ANKRD52: variants seen among roughly 807,000 people sequenced by gnomAD.
The protein encoded by ANKRD52 is serine/threonine-protein phosphatase 6 regulatory ankyrin repeat subunit C.
In ANKRD52, 7 loss-of-function variants were observed where a neutral mutation model predicts 116.0. The observed-to-expected ratio is 0.06, with a 90% CI of 0.03 to 0.11. The LOEUF is 0.11. ANKRD52 is among the 10% of genes least tolerant of loss of function. ANKRD52 has a pLI of 1.00. For missense variants in ANKRD52, 839 were observed against 1,408.6 expected (o/e 0.60, Z 6.47); for synonymous variants, 528 against 578.1 (o/e 0.91, Z 1.24).
In ANKRD52 at chr12:56,244,060, G is replaced by A. The variant is rs778944625; in HGVS notation, c.2879C>T (p.Ala960Val). The stretch of plus-strand genomic sequence containing the variant: ...TTCCCCAGGCACTCACATCTGCAGC[G>A]CACTGTTGGTAGCATTGATAAGGCC... The part of the protein sequence containing the change: ...DLGLINATNS[A>V]LQMPLHIAAR... Residue 960 changes from alanine to valine, a missense_variant, in exon 26 of 28, where the codon GCG becomes GTG. Around this residue, in one of 2 missense-constraint regions of ANKRD52, gnomAD observed 552 missense variants for 810.6 expected, o/e 0.68. Coordinates refer to ENST00000267116, the MANE Select transcript of ANKRD52 (RefSeq NM_173595.4). This position sits in a 1 kb window ranked among gnomAD's most constrained non-coding sequence, Gnocchi z 4.9. 2.6e-5 allele frequency: 42 copies of A among 1,613,660 alleles called. No individual in the cohort carries two copies. The highest frequency in any genetic ancestry group is 3.2e-5 in the Non-Finnish European group (38 of 1,179,868).
Position 56,248,355 on chromosome 12 carries a change from G to C in ANKRD52, c.1777-131C>G. On this transcript the variant is annotated intron_variant, in intron 17 of 27. Coordinates refer to ENST00000267116, the MANE Select transcript of ANKRD52 (RefSeq NM_173595.4). This position sits in a 1 kb window ranked among gnomAD's most constrained non-coding sequence, Gnocchi z 5.1. ...TGACAAGCTCCTTGGGCCCCTTAAG[G>C]CTTCCTACCCTGCACTGTGCTTATC... is the stretch of plus-strand genomic sequence containing the variant. The C allele has an allele frequency of 2.1e-6, 3 of 1,412,562 alleles. No individual in the cohort carries two copies. Among genetic ancestry groups the C allele is most frequent in the East Asian group, 2.3e-5 (1 of 42,612 alleles). The allele number at this position is 1,412,562 out of a possible 1,614,324, so 87.5% of individuals were successfully genotyped here. A position where few individuals can be genotyped will look rare whatever the true frequency, so the allele number is the denominator to read the frequency against.
chr12:56,254,972 A>G lies in ANKRD52; in HGVS notation c.463-20T>C, dbSNP rs1390509164. On this transcript the variant is annotated intron_variant, in intron 5 of 27. Coordinates refer to ENST00000267116, the MANE Select transcript of ANKRD52 (RefSeq NM_173595.4). This position sits in a 1 kb window ranked among gnomAD's most constrained non-coding sequence, Gnocchi z 4.6. ...CACCGTCTGCATCAGGATATGAAAG[A>G]CACCTGTTCAGAGCTAGATTCGTGC... The G allele has an allele frequency of 2.2e-5, 35 of 1,603,742 alleles. No homozygotes were observed. Among genetic ancestry groups the G allele is most frequent in the Non-Finnish European group, 2.9e-5 (34 of 1,171,272 alleles).
rs1454564125 is a variant in ANKRD52, at chr12:56,255,222, G to C, written c.463-270C>G. 2.9e-6 allele frequency: 1 copy of C among 339,846 alleles called. No homozygotes were observed. The allele number at this position is 339,846 out of a possible 1,614,324, so 21.1% of individuals were successfully genotyped here. On this transcript the variant is annotated intron_variant, in intron 5 of 27. Coordinates refer to ENST00000267116, the MANE Select transcript of ANKRD52 (RefSeq NM_173595.4). This position sits in a 1 kb window ranked among gnomAD's most constrained non-coding sequence, Gnocchi z 4.3. ...TTTTTTTTTTTTTTGAGACAGTCTC[G>C]CTCTGTTACCCAGGCTGGAGTTCAG...
intron 15 of ANKRD52, among the ~76,000 whole-genome samples, chr12:56,250,010 C>G (rs1269724560): frequency 6.6e-6 from 1 of 151,794 alleles, no homozygotes; most frequent in African/African-American, 2.4e-5. Context: ...GCACTCCAGC[C>G]TGGGCAACAG....
chr12:56,241,666 T>G lies in ANKRD52; in HGVS notation c.*1476A>C, dbSNP rs1871176832. On this transcript the variant is annotated 3_prime_UTR_variant, in exon 28 of 28. Coordinates refer to ENST00000267116, the MANE Select transcript of ANKRD52 (RefSeq NM_173595.4). ...TGACCTCTATTCAAGTTCTGTGTCT[T>G]GGCCCCTGGCTGAGGTATTGAGTGT... 1 of 259,064 alleles carries G rather than the reference T, an allele frequency of 3.9e-6. No homozygotes were observed. The highest frequency in any genetic ancestry group is 7.3e-6 in the Non-Finnish European group (1 of 137,586). The allele number at this position is 259,064 out of a possible 1,614,324, so 16.0% of individuals were successfully genotyped here.
In ANKRD52 at chr12:56,244,530, C is replaced by T. The variant is rs1313966095; in HGVS notation, c.2723-95G>A. ...TGCATCCCGTCTGCAGATGGCGAGA[C>T]ATCCAAAGACAACCCTCTTGCTTTC... On this transcript the variant is annotated intron_variant, in intron 24 of 27. Coordinates refer to ENST00000267116, the MANE Select transcript of ANKRD52 (RefSeq NM_173595.4). This position sits in a 1 kb window ranked among gnomAD's most constrained non-coding sequence, Gnocchi z 4.9. 60 of 1,595,650 alleles carry T rather than the reference C, an allele frequency of 3.8e-5. No individual in the cohort carries two copies. The highest frequency in any genetic ancestry group is 5.0e-5 in the Non-Finnish European group (59 of 1,168,960).
intron 15 of ANKRD52, 40 bp downstream of exon 15, chr12:56,251,975 T>C (rs373535750): frequency 6.3e-7 from 1 of 1,596,906 alleles, no homozygotes. Flanking sequence ...CTTGCATGGG[T>C]TGGGGAAAGC....
rs1871319181 is a variant in ANKRD52, at chr12:56,244,781, C to T, written c.2593G>A (p.Ala865Thr). ...DAKGRTPLHAAAFADNVSGLR... is the reference protein window; with the variant it reads ...DAKGRTPLHATAFADNVSGLR... ...CCAGAGACATTGTCCGCGAAGGCAGCGGCGTGAAGGGGGGTCCTGTAAGGC... is the reference window on the plus strand; with the variant it reads ...CCAGAGACATTGTCCGCGAAGGCAGTGGCGTGAAGGGGGGTCCTGTAAGGC... The change falls in exon 24 of 28, where the codon GCT becomes ACT. Residue 865 changes from alanine to threonine, a missense_variant. By Grantham distance (58) the Ala-to-Thr change is moderately conservative. This residue lies in a region of ANKRD52 where 552 missense variants were observed against 810.6 expected (regional missense o/e 0.68). Transcript: ENST00000267116. The surrounding 1 kb of genome is among the most constrained non-coding windows in gnomAD (Gnocchi z 4.9). The T allele has an allele frequency of 2.5e-6, 4 of 1,613,680 alleles. No homozygotes were observed. The highest frequency in any genetic ancestry group is 3.4e-6 in the Non-Finnish European group (4 of 1,179,882).
chr12:56,242,179 G>A lies in ANKRD52; in HGVS notation c.*963C>T. ...ACATGGTCCCTCCCTCCATATACAT[G>A]CAAACACATGCCTGAAACACAGTGG... On this transcript the variant is annotated 3_prime_UTR_variant, in exon 28 of 28. Coordinates refer to ENST00000267116, the MANE Select transcript of ANKRD52 (RefSeq NM_173595.4). This position sits in a 1 kb window ranked among gnomAD's most constrained non-coding sequence, Gnocchi z 4.3. The A allele has an allele frequency of 2.5e-6, 1 of 398,610 alleles. No individual in the cohort carries two copies. Among genetic ancestry groups the A allele is most frequent in the Non-Finnish European group, 4.4e-6 (1 of 226,072 alleles). The allele number at this position is 398,610 out of a possible 1,614,324, so 24.7% of individuals were successfully genotyped here. A position where few individuals can be genotyped will look rare whatever the true frequency, so the allele number is the denominator to read the frequency against.
chr12:56,244,449 G>A lies in ANKRD52; in HGVS notation c.2723-14C>T. On this transcript the variant is annotated splice_polypyrimidine_tract_variant and intron_variant, in intron 24 of 27. Transcript: ENST00000267116. The surrounding 1 kb of genome is among the most constrained non-coding windows in gnomAD (Gnocchi z 4.9). Reference sequence around the variant, plus strand: ...ACAGCAGAAATTCTACGAGAGAAATGTGATAGAGGGACTGACCCCTCCCTC... The same window carrying A: ...ACAGCAGAAATTCTACGAGAGAAATATGATAGAGGGACTGACCCCTCCCTC... 1.2e-6 allele frequency: 2 copies of A among 1,613,444 alleles called. No individual in the cohort carries two copies. The highest frequency in any genetic ancestry group is 1.7e-6 in the Non-Finnish European group (2 of 1,179,494).
In ANKRD52 at chr12:56,238,053, C is replaced by T. The variant is rs758195798; in HGVS notation, c.*5089G>A. 13 of 277,718 alleles carry T rather than the reference C, an allele frequency of 4.7e-5. No homozygotes were observed. Among genetic ancestry groups the T allele is most frequent in the East Asian group, 1.3e-4 (2 of 15,100 alleles). 17.2% of individuals were successfully genotyped at this position (277,718 alleles called of 1,614,324 possible). A position where few individuals can be genotyped will look rare whatever the true frequency, so the allele number is the denominator to read the frequency against. ...GGTCCCCACTTTTTCCTGCTGCCCT[C>T]GGCACCCTGGGGATGCAGGCATCTG... is the stretch of plus-strand genomic sequence containing the variant. On this transcript the variant is annotated 3_prime_UTR_variant, in exon 28 of 28. Coordinates refer to ENST00000267116, the MANE Select transcript of ANKRD52 (RefSeq NM_173595.4).
intron 20 of ANKRD52, 23 bp from the exon 21 acceptor site, chr12:56,245,619 AG>A (rs767636667): frequency 6.4e-7 from 1 of 1,561,660 alleles, no homozygotes; most frequent in Non-Finnish European, 8.7e-7. Flanking sequence ...TGGGGGTGTG[AG>A]GGGGATGAAA....
chr12:56,249,632 G>A (rs540093957), intron 15 of ANKRD52, among the ~76,000 whole-genome samples: 5 of 152,262 alleles, frequency 3.3e-5, no homozygotes, highest in Non-Finnish European at 7.4e-5. Flanking sequence ...GGCCTGGCTC[G>A]GTTGCTCACA....
chr12:56,248,286 T>TA lies in ANKRD52; in HGVS notation c.1777-63_1777-62insT, dbSNP rs1391670453. 4.4e-6 allele frequency: 7 copies of TA among 1,578,056 alleles called. No individual in the cohort carries two copies. Among genetic ancestry groups the TA allele is most frequent in the Non-Finnish European group, 6.1e-6 (7 of 1,152,630 alleles). ...GACCTTCCCTGCTCCTCCCTTCCCCTTCTCTGCTCTTGGGGTCCCTGGGAA... is the reference window on the plus strand; with the variant it reads ...GACCTTCCCTGCTCCTCCCTTCCCCTATCTCTGCTCTTGGGGTCCCTGGGAA... On this transcript the variant is annotated intron_variant, in intron 17 of 27. Coordinates refer to ENST00000267116, the MANE Select transcript of ANKRD52 (RefSeq NM_173595.4). The surrounding 1 kb of genome is among the most constrained non-coding windows in gnomAD (Gnocchi z 5.1).
At position 56,255,535 on chromosome 12, in the gene ANKRD52, G is replaced by A. The variant is rs1871909574; in HGVS notation, c.462+249C>T. ...TCTTTGCAAATGTGCTGAAAGACAT[G>A]GACTCTCTTCAGAAAGGCGTGTATG... is the stretch of plus-strand genomic sequence containing the variant. On this transcript the variant is annotated intron_variant, in intron 5 of 27. Transcript: ENST00000267116. The surrounding 1 kb of genome is among the most constrained non-coding windows in gnomAD (Gnocchi z 4.3). 6.6e-6 allele frequency among the ~76,000 whole-genome samples: 1 copy of A among 152,202 alleles called. No individual in the cohort carries two copies. The highest frequency in any genetic ancestry group is 2.4e-5 in the African/African-American group (1 of 41,446).
In ANKRD52 at chr12:56,250,003, C is replaced by T. The variant is rs1014595388; in HGVS notation, c.1593-1133G>A. Among the ~76,000 whole-genome samples, 7 of 152,004 alleles carry T rather than the reference C, an allele frequency of 4.6e-5. 1 individual carries two copies. The highest frequency in any genetic ancestry group is 1.7e-4 in the African/African-American group (7 of 41,388). On this transcript the variant is annotated intron_variant, in intron 15 of 27. Transcript: ENST00000267116. ...AGTGAGCCAAGTTCATGCCACTGCACTCCAGCCTGGGCAACAGAGTGAGAC... is the reference window on the plus strand; with the variant it reads ...AGTGAGCCAAGTTCATGCCACTGCATTCCAGCCTGGGCAACAGAGTGAGAC...
At position 56,240,407 on chromosome 12, in the gene ANKRD52, G is replaced by A. The variant is rs746938814; in HGVS notation, c.*2735C>T. 6.6e-6 allele frequency: 1 copy of A among 151,876 alleles called. No homozygotes were observed. The highest frequency in any genetic ancestry group is 1.5e-5 in the Non-Finnish European group (1 of 68,004). 9.4% of individuals were successfully genotyped at this position (151,876 alleles called of 1,614,324 possible). A position where few individuals can be genotyped will look rare whatever the true frequency, so the allele number is the denominator to read the frequency against. On this transcript the variant is annotated 3_prime_UTR_variant, in exon 28 of 28. Transcript: ENST00000267116. The surrounding 1 kb of genome is among the most constrained non-coding windows in gnomAD (Gnocchi z 4.2). ...ACCTGGGGCTGCTCCCAGGGTCCTC[G>A]CTTAAAATAGGCCTTTTCACAAAAG...
rs932498453 is a variant in ANKRD52 at position 56,255,636 on chromosome 12, C to G, written c.462+148G>C. 1 of 693,112 alleles carries G rather than the reference C, an allele frequency of 1.4e-6. No individual in the cohort carries two copies. Among genetic ancestry groups the G allele is most frequent in the South Asian group, 2.1e-5 (1 of 48,364 alleles). The allele number at this position is 693,112 out of a possible 1,614,324, so 42.9% of individuals were successfully genotyped here. A position where few individuals can be genotyped will look rare whatever the true frequency, so the allele number is the denominator to read the frequency against. On this transcript the variant is annotated intron_variant, in intron 5 of 27. Transcript: ENST00000267116. The surrounding 1 kb of genome is among the most constrained non-coding windows in gnomAD (Gnocchi z 4.3). ...AGTTAAGAATTTTAATCTAGTCTGACCATTCATTTAGTGCTTCAGCTTAAG... is the reference window on the plus strand; with the variant it reads ...AGTTAAGAATTTTAATCTAGTCTGAGCATTCATTTAGTGCTTCAGCTTAAG...
chr12:56,251,919 T>A (rs1592393019), intron 15 of ANKRD52, 96 bp downstream of exon 15: 50 of 1,338,796 alleles, frequency 3.7e-5, no homozygotes, highest in South Asian at 3.4e-4. Context: ...ACAGCAGCAG[T>A]ATAGGGTAGA....
Sources: allele counts gnomAD v4.1 joint callset (sites outside exome capture counted in the v4.1 genomes callset), GRCh38; gene constraint gnomAD v4.1.1; regional missense constraint gnomAD v4.1.1; non-coding constraint Gnocchi (gnomAD v3.1); transcripts MANE v1.5; gene names NCBI Gene and HGNC (gene_info 2026-07-23, HGNC 2026-07-21).